Variants in WFDC10B observed in about 807,000 individuals in gnomAD.
WFDC10B encodes the protein protein WFDC10B.
A neutral mutation model predicts 2.7 loss-of-function variants in WFDC10B; 1 was observed. That is an observed-to-expected ratio of 0.38 (90% CI 0.13 to 1.79). WFDC10B has a LOEUF of 1.79. Ranked by LOEUF, WFDC10B falls within the 40% of genes most tolerant of loss-of-function variation. The pLI is 0.33. For synonymous variants in WFDC10B, 26 were observed against 32.2 expected (o/e 0.81, Z 0.65); for missense variants, 71 against 87.8 (o/e 0.81, Z 0.76).
chr20:45,685,823 G>A, intron 3 of WFDC10B, 79 bp downstream of exon 3: 1 of 1,570,086 alleles, frequency 6.4e-7, no homozygotes, highest in South Asian at 1.2e-5. Flanking sequence ...GCAAGTCCTA[G>A]GTCCTACTCA....
At chr20:45,688,524 T>G (rs80231493) in intron 2 of WFDC10B, among the ~76,000 whole-genome samples, 28,958 of 151,900 alleles carry the variant, frequency 0.19, 3,015 homozygotes, top group East Asian at 0.32. Flanking sequence ...ACTTTTTAAT[T>G]ATTGCCATTC....
chr20:45,692,753 T>C lies in WFDC10B; in HGVS notation c.-64-6697A>G, dbSNP rs1282415592. ...TCGTCTAAATTTTTTTCAAAGTTTTTAACTTCTTTGCCTTTGGTTTGAATT... is the reference window on the plus strand; with the variant it reads ...TCGTCTAAATTTTTTTCAAAGTTTTCAACTTCTTTGCCTTTGGTTTGAATT... On this transcript the variant is annotated intron_variant, in intron 2 of 3. Transcript: ENST00000330523. Among the ~76,000 whole-genome samples the C allele has an allele frequency of 3.9e-5, 6 of 152,312 alleles. No individual in the cohort carries two copies. In the East Asian group the frequency reaches 1.2e-3, roughly 29 times the overall value.
At position 45,684,804 on chromosome 20, in the gene WFDC10B, A is replaced by T; in HGVS notation, c.*26T>A. On this transcript the variant is annotated 3_prime_UTR_variant, in exon 4 of 4. Transcript: ENST00000330523. ...CGGATGGAAGGGTTCAGGGAGCAGG[A>T]TGCACATCCCAGCCCACTCTCCCAC... 1 of 1,611,880 alleles carries T rather than the reference A, an allele frequency of 6.2e-7. No individual in the cohort carries two copies. Among genetic ancestry groups the T allele is most frequent in the Non-Finnish European group, 8.5e-7 (1 of 1,178,648 alleles).
chr20:45,692,943 C>T (rs1014162480), intron 2 of WFDC10B, among the ~76,000 whole-genome samples: 18 of 152,000 alleles, frequency 1.2e-4, no homozygotes. Flanking sequence ...TCTGTTTTTT[C>T]CCCATCTTTG....
intron 2 of WFDC10B, among the ~76,000 whole-genome samples, chr20:45,688,886 TTTGGTGTTTTAGACATGAAGTCC>T (rs1442986868): frequency 1.7e-4 from 26 of 152,048 alleles, no homozygotes; most frequent in Admixed American, 1.5e-3. Context: ...TTCCATTGCT[TTTGGTGTTTTAGACATGAAGTCC>T]TTGCCCATGC....
chr20:45,704,422 TCTTA>T, intron 2 of WFDC10B, 71 bp downstream of exon 2: 17 of 1,603,278 alleles, frequency 1.1e-5, no homozygotes, highest in Non-Finnish European at 1.4e-5. Flanking sequence ...GAGGCCCTTC[TCTTA>T]CTTGTTCTGT....
intron 2 of WFDC10B, among the ~76,000 whole-genome samples, chr20:45,688,503 G>T (rs1216675868): frequency 6.6e-6 from 1 of 152,160 alleles, no homozygotes; most frequent in Non-Finnish European, 1.5e-5. Flanking sequence ...TCCAGCACCT[G>T]TTGTTTCTTG....
intron 2 of WFDC10B, among the ~76,000 whole-genome samples, chr20:45,691,545 GGATA>G (rs1983812635): frequency 6.6e-6 from 1 of 151,044 alleles, no homozygotes; most frequent in Non-Finnish European, 1.5e-5. Flanking sequence ...TATATATTTA[GGATA>G]GTTAGCTCTT....
In WFDC10B at chr20:45,684,898, G is replaced by A; in HGVS notation, c.154C>T (p.Gln52Ter). 1.2e-6 allele frequency: 2 copies of A among 1,614,024 alleles called. No individual in the cohort carries two copies. Among genetic ancestry groups the A allele is most frequent in the African/African-American group, 1.3e-5 (1 of 75,018 alleles). The stretch of plus-strand genomic sequence containing the variant: ...CATATCTTATTTGTTTCACACTTTT[G>A]GAAATATGAACAGTGGTGGATGCAT... The part of the protein sequence containing the change: ...DLCIHHCSYF[Q>*]KCETNKICCS... Residue 52 changes from glutamine (Q) to a stop codon, truncating the protein, a stop_gained, in exon 4 of 4, where the codon CAA becomes TAA. Transcript: ENST00000330523. LOFTEE classifies it low-confidence loss of function (END_TRUNC).
chr20:45,702,743 C>T (rs2145644063), intron 2 of WFDC10B, among the ~76,000 whole-genome samples: 1 of 152,280 alleles, frequency 6.6e-6, no homozygotes, highest in East Asian at 1.9e-4. Flanking sequence ...CGGTAATTAG[C>T]ATCAATGGGA....
intron 2 of WFDC10B, among the ~76,000 whole-genome samples, chr20:45,689,157 G>T (rs1983725102): frequency 6.8e-6 from 1 of 147,854 alleles, no homozygotes; most frequent in Admixed American, 6.8e-5. Context: ...TTGTAGATAT[G>T]TGGCGTTATT....
chr20:45,701,375 G>T (rs1984153355), intron 2 of WFDC10B, among the ~76,000 whole-genome samples: 2 of 152,166 alleles, frequency 1.3e-5, no homozygotes, highest in South Asian at 4.1e-4. Context: ...GGAGATTTTT[G>T]AGCAAACTGG....
chr20:45,704,803 C>T (rs1242747337), intron 1 of WFDC10B, 115 bp downstream of exon 1: 11 of 1,303,922 alleles, frequency 8.4e-6, no homozygotes, highest in Non-Finnish European at 1.2e-5. Flanking sequence ...ATCACCACAT[C>T]CCATCACCAT....
Position 45,699,782 on chromosome 20 carries a change from G to A in WFDC10B, c.-65+4715C>T, listed in dbSNP as rs542200647. Among the ~76,000 whole-genome samples, 34 of 152,254 alleles carry A rather than the reference G, an allele frequency of 2.2e-4. No individual in the cohort carries two copies. In the Middle Eastern group the frequency reaches 0.01, roughly 46 times the overall value. On this transcript the variant is annotated intron_variant, in intron 2 of 3. Coordinates refer to ENST00000330523, the MANE Select transcript of WFDC10B (RefSeq NM_172006.2). ...CAACCTCTGCCTCCCGGGTTCAAGC[G>A]ATTCTTCTGCCTCAGCCTCCTGAGT...
At chr20:45,699,871 G>C (rs994879727) in intron 2 of WFDC10B, among the ~76,000 whole-genome samples, 6 of 152,144 alleles carry the variant, frequency 3.9e-5, no homozygotes, top group Non-Finnish European at 7.4e-5. Context: ...TAGAGATGGG[G>C]TTTCACCATG....
chr20:45,702,055 C>A (rs73908188), intron 2 of WFDC10B: 2 of 1,464,706 alleles, frequency 1.4e-6, no homozygotes, highest in Non-Finnish European at 1.9e-6. Flanking sequence ...CTTCTCTTCT[C>A]CTCACAGCAG....
chr20:45,700,067 A>G (rs771736341), intron 2 of WFDC10B, among the ~76,000 whole-genome samples: 2 of 152,216 alleles, frequency 1.3e-5, no homozygotes, highest in Non-Finnish European at 2.9e-5. Context: ...ATAATTGTTC[A>G]TTGCAGCATT....
chr20:45,686,613 G>A (rs1983630830), intron 2 of WFDC10B, among the ~76,000 whole-genome samples: 1 of 151,822 alleles, frequency 6.6e-6, no homozygotes, highest in African/African-American at 2.4e-5. Context: ...ATCATATCAT[G>A]AGCCCCTTTA....
At chr20:45,704,309 C>G in intron 2 of WFDC10B, 188 bp downstream of exon 2, 1 of 1,223,486 alleles carries the variant, frequency 8.2e-7, no homozygotes, top group Non-Finnish European at 1.1e-6. Context: ...AGGACAAAAC[C>G]TGATGCCACC....
Sources: gnomAD v4.1 joint callset for allele counts (sites outside exome capture counted in the v4.1 genomes callset) on GRCh38, gnomAD v4.1.1 for gene constraint, MANE v1.5 for transcripts, NCBI Gene and HGNC (gene_info 2026-07-23, HGNC 2026-07-21) for gene names.